Variants in PRKAR1A observed in about 807,000 individuals in gnomAD.
PRKAR1A encodes the protein cAMP-dependent protein kinase type I-alpha regulatory subunit.
PRKAR1A carries 3 observed loss-of-function variants against 52.0 expected under a neutral mutation model. The observed-to-expected ratio is 0.06, with a 90% confidence interval of 0.03 to 0.15. PRKAR1A has a LOEUF of 0.15. PRKAR1A is among the 10% of genes least tolerant of loss of function. PRKAR1A has a pLI of 1.00. For missense variants in PRKAR1A, 240 were observed against 477.4 expected, an observed-to-expected ratio of 0.50 and a Z score of 4.63; for synonymous variants, 188 against 168.4, an observed-to-expected ratio of 1.12 and a Z score of -0.90.
At chr17:68,441,414 C>T in the PRKAR1A span, among the ~76,000 whole-genome samples, 1 of 152,184 alleles carries the variant, frequency 6.6e-6, no homozygotes, top group Non-Finnish European at 1.5e-5. Context: ...GACAATTAGA[C>T]GAGTGATTGT....
chr17:68,445,891 A>G, the PRKAR1A span, among the ~76,000 whole-genome samples: 29 of 152,214 alleles, frequency 1.9e-4, 2 homozygotes. Flanking sequence ...GAGCTGCCCA[A>G]GGAGCAAGCC....
At position 68,531,133 on chromosome 17, in the gene PRKAR1A, AT is replaced by A; in HGVS notation, c.*685del. On this transcript the variant is annotated 3_prime_UTR_variant, in exon 11 of 11. Coordinates refer to ENST00000589228, the MANE Select transcript of PRKAR1A (RefSeq NM_002734.5). ...TTCTGAAATACTTTTGAGTATGGCT[AT>A]CTATACCTGCCTTTTAAGTTTGAAA... 8.4e-6 allele frequency: 9 copies of A among 1,066,782 alleles called. No homozygotes were observed. Among genetic ancestry groups the A allele is most frequent in the Non-Finnish European group, 1.0e-5 (9 of 879,948 alleles). The allele number at this position is 1,066,782 out of a possible 1,614,324, so 66.1% of individuals were successfully genotyped here.
the PRKAR1A span, among the ~76,000 whole-genome samples, chr17:68,499,013 C>A: frequency 6.6e-6 from 1 of 152,168 alleles, no homozygotes; most frequent in East Asian, 1.9e-4. Flanking sequence ...GTTTCCTTAT[C>A]TGTAAAATAG....
At chr17:68,535,994 GA>G, downstream of PRKAR1A, 1 of 454,106 alleles carries the variant, frequency 2.2e-6, no homozygotes, top group Non-Finnish European at 4.4e-6. Context: ...CTGTGTTTGA[GA>G]GGATTGGAAA....
the PRKAR1A span, chr17:68,422,494 G>A: frequency 6.6e-6 from 1 of 150,950 alleles, no homozygotes; most frequent in African/African-American, 2.4e-5. Flanking sequence ...CACTTTAGGA[G>A]GCTGAGGGGG....
the PRKAR1A span, among the ~76,000 whole-genome samples, chr17:68,424,746 G>A: frequency 7.4e-4 from 112 of 152,228 alleles, 1 homozygote; most frequent in Middle Eastern, 3.4e-3. Flanking sequence ...GCATGGTGGC[G>A]CACATCTGTA....
upstream of PRKAR1A, among the ~76,000 whole-genome samples, chr17:68,510,954 T>C (rs1250793458): frequency 1.3e-5 from 2 of 152,238 alleles, no homozygotes; most frequent in Non-Finnish European, 2.9e-5. Flanking sequence ...GGGAGCCATC[T>C]GTGTAACTTT....
downstream of PRKAR1A, chr17:68,536,816 C>G (rs1300469697): frequency 4.4e-6 from 2 of 454,030 alleles, no homozygotes; most frequent in Admixed American, 4.7e-5. Flanking sequence ...AATTGTAATA[C>G]TCTTCAAATT....
chr17:68,509,087 T>G (rs1051878946), upstream of PRKAR1A, among the ~76,000 whole-genome samples: 1 of 152,226 alleles, frequency 6.6e-6, no homozygotes, highest in Non-Finnish European at 1.5e-5. Flanking sequence ...CCTTTCACGT[T>G]TTAGCTTTCT....
At chr17:68,437,000 A>AT in the PRKAR1A span, among the ~76,000 whole-genome samples, 1 of 60,726 alleles carries the variant, frequency 1.6e-5, no homozygotes, top group Admixed American at 1.7e-4. Context: ...TCTCAAAAAA[A>AT]AAAAAATATA....
At chr17:68,518,674 G>A (rs963657352) in intron 2 of PRKAR1A, among the ~76,000 whole-genome samples, 3 of 152,104 alleles carry the variant, frequency 2.0e-5, no homozygotes, top group African/African-American at 7.3e-5. Flanking sequence ...CTGAAGGTCT[G>A]TGACATGCCC....
the PRKAR1A span, chr17:68,426,252 G>GGT: frequency 1.2e-6 from 1 of 828,178 alleles, no homozygotes; most frequent in Non-Finnish European, 1.9e-6. Flanking sequence ...TGGGGAGCGG[G>GGT]GGCTCAAATA....
intron 11 of PRKAR1A, chr17:68,539,449 CCT>C (rs1386765218): frequency 3.0e-5 from 45 of 1,488,736 alleles, no homozygotes; most frequent in Middle Eastern, 1.8e-4. Flanking sequence ...TTTGCATTCC[CCT>C]GAGGCTTCCT....
the PRKAR1A span, among the ~76,000 whole-genome samples, chr17:68,503,309 A>AT: frequency 1.2e-3 from 188 of 151,742 alleles, 1 homozygote; most frequent in African/African-American, 4.2e-3. Context: ...CAGTTTGGCA[A>AT]TTTTTTTTTA....
chr17:68,442,562 G>A, the PRKAR1A span, among the ~76,000 whole-genome samples: 3 of 151,972 alleles, frequency 2.0e-5, no homozygotes, highest in African/African-American at 7.3e-5. Context: ...TGCAACAGGT[G>A]TGAGGAGTAA....
the PRKAR1A span, among the ~76,000 whole-genome samples, chr17:68,483,427 G>T: frequency 6.6e-6 from 1 of 152,172 alleles, no homozygotes; most frequent in African/African-American, 2.4e-5. Context: ...TTTGCAGTGA[G>T]CTGAGATGAC....
rs994350249 is a variant in PRKAR1A at position 68,532,838 on chromosome 17, C to T, written c.*2389C>T. 22 of 1,066,234 alleles carry T rather than the reference C, an allele frequency of 2.1e-5. No homozygotes were observed. Among genetic ancestry groups the T allele is most frequent in the East Asian group, 2.0e-4 (4 of 20,146 alleles). 66.0% of individuals were successfully genotyped at this position (1,066,234 alleles called of 1,614,324 possible). A position where few individuals can be genotyped will look rare whatever the true frequency, so the allele number is the denominator to read the frequency against. ...CTCTGTCCTTCCCCGAAAGTCTACT[C>T]GGGTGGGCAAAAATGAAAAGGGGGA... On this transcript the variant is annotated 3_prime_UTR_variant, in exon 11 of 11. Transcript: ENST00000589228.
At chr17:68,452,792 C>G in the PRKAR1A span, 1 of 839,260 alleles carries the variant, frequency 1.2e-6, no homozygotes, top group Non-Finnish European at 1.8e-6. Flanking sequence ...TCTTGACTCC[C>G]TAAGTTTGAT....
At chr17:68,427,004 GA>G in the PRKAR1A span, 1 of 729,104 alleles carries the variant, frequency 1.4e-6, no homozygotes, top group Non-Finnish European at 2.3e-6. Flanking sequence ...AGGTAACAGT[GA>G]AGGGGGAAGG....
Sources: allele counts gnomAD v4.1 joint callset (sites outside exome capture counted in the v4.1 genomes callset), GRCh38; gene constraint gnomAD v4.1.1; transcripts MANE v1.5; gene names NCBI Gene and HGNC (gene_info 2026-07-23, HGNC 2026-07-21).